COMMD10: variants seen among roughly 807,000 people sequenced by gnomAD.
COMMD10 encodes the protein COMM domain containing 10, also known as COMM domain-containing protein 10.
Under a neutral mutation model 28.9 loss-of-function variants are expected in COMMD10, and 33 were observed. That is an observed-to-expected ratio of 1.14 (90% CI 0.87 to 1.53). COMMD10 has a LOEUF of 1.53. Among genes scored for constraint, COMMD10 ranks in the 40% most tolerant of loss-of-function variants. COMMD10 has a pLI of 0.00. For synonymous variants in COMMD10, 110 were observed against 81.7 expected, an observed-to-expected ratio of 1.35 and a Z score of -1.87; for missense variants, 310 against 233.4, an observed-to-expected ratio of 1.33 and a Z score of -2.14.
At position 116,189,823 on chromosome 5, in the gene COMMD10, A is replaced by C. The variant is rs539257812; in HGVS notation, c.510+55645A>C. Among the ~76,000 whole-genome samples, 22 of 152,350 alleles carry C rather than the reference A, an allele frequency of 1.4e-4. No individual in the cohort carries two copies. The South Asian group carries it at 4.4e-3, about 30-fold the overall frequency. On this transcript the variant is annotated intron_variant, in intron 5 of 6. Coordinates refer to ENST00000274458, the MANE Select transcript of COMMD10 (RefSeq NM_016144.4). ...AAGAAATTGTTCATGTATTTTAGCA[A>C]AATGAAAACCACTTAAAGCATATTT...
intron 5 of COMMD10, among the ~76,000 whole-genome samples, chr5:116,189,558 A>G (rs918208930): frequency 7.9e-5 from 12 of 152,162 alleles, no homozygotes; most frequent in Admixed American, 7.9e-4. Context: ...CTTAACCAGA[A>G]ATCACTTCCA....
At chr5:116,106,836 C>G (rs1750856196) in intron 4 of COMMD10, among the ~76,000 whole-genome samples, 1 of 152,096 alleles carries the variant, frequency 6.6e-6, no homozygotes, top group Admixed American at 6.5e-5. Flanking sequence ...CTTTGTAGAT[C>G]TTCCTCCATC....
intron 5 of COMMD10, among the ~76,000 whole-genome samples, chr5:116,150,893 T>C (rs1752502098): frequency 6.6e-6 from 1 of 151,050 alleles, no homozygotes; most frequent in Non-Finnish European, 1.5e-5. Flanking sequence ...TCCAACACTA[T>C]GTTGAATAGG....
intron 5 of COMMD10, among the ~76,000 whole-genome samples, chr5:116,135,220 T>A (rs1266603558): frequency 1.3e-5 from 2 of 152,114 alleles, no homozygotes; most frequent in African/African-American, 4.8e-5. Flanking sequence ...GAGATTACAG[T>A]GACTGAATGA....
intron 4 of COMMD10, among the ~76,000 whole-genome samples, chr5:116,117,531 T>C (rs1043448777): frequency 2.0e-5 from 3 of 152,194 alleles, no homozygotes; most frequent in Admixed American, 1.3e-4. Context: ...TGGCACGATA[T>C]CGGCTCACTG....
chr5:116,202,905 T>G (rs182347236), intron 5 of COMMD10, among the ~76,000 whole-genome samples: 11 of 152,290 alleles, frequency 7.2e-5, no homozygotes, highest in African/African-American at 2.4e-4. Flanking sequence ...ATCCCATTTG[T>G]CAATTTTGGC....
chr5:116,171,775 C>G (rs1580517202), intron 5 of COMMD10, among the ~76,000 whole-genome samples: 2 of 152,028 alleles, frequency 1.3e-5, no homozygotes, highest in South Asian at 4.1e-4. Flanking sequence ...GGGAGTTGAA[C>G]AGTGAGAACA....
chr5:116,293,038 C>A lies in COMMD10; in HGVS notation c.*549C>A, dbSNP rs999744230. On this transcript the variant is annotated 3_prime_UTR_variant, in exon 7 of 7. Coordinates refer to ENST00000274458, the MANE Select transcript of COMMD10 (RefSeq NM_016144.4). Reference sequence around the variant, plus strand: ...TAGTATGGTATCAGTTAATTCCAGTCTGAGCTTCTCTGTCAACTTCAGTTT... The same window carrying A: ...TAGTATGGTATCAGTTAATTCCAGTATGAGCTTCTCTGTCAACTTCAGTTT... 5.0e-6 allele frequency: 2 copies of A among 397,178 alleles called. No individual in the cohort carries two copies. Among genetic ancestry groups the A allele is most frequent in the South Asian group, 1.3e-4 (1 of 7,844 alleles). The allele number at this position is 397,178 out of a possible 1,614,324, so 24.6% of individuals were successfully genotyped here. A position where few individuals can be genotyped will look rare whatever the true frequency, so the allele number is the denominator to read the frequency against.
chr5:116,263,139 T>G (rs1203649636), intron 5 of COMMD10, among the ~76,000 whole-genome samples: 1 of 151,820 alleles, frequency 6.6e-6, no homozygotes, highest in African/African-American at 2.4e-5. Context: ...ACACATATAT[T>G]TTAGAAAATG....
chr5:116,201,129 G>C (rs1160329814), intron 5 of COMMD10, among the ~76,000 whole-genome samples: 2 of 152,152 alleles, frequency 1.3e-5, no homozygotes, highest in African/African-American at 4.8e-5. Flanking sequence ...GTGCCAACTG[G>C]AGTTGGATAT....
At chr5:116,142,976 T>C (rs1752239264) in intron 5 of COMMD10, among the ~76,000 whole-genome samples, 2 of 151,566 alleles carry the variant, frequency 1.3e-5, no homozygotes, top group African/African-American at 4.8e-5. Flanking sequence ...TTCATTGTGA[T>C]CAATTTCTCA....
At chr5:116,271,162 T>G (rs1028745282) in intron 5 of COMMD10, among the ~76,000 whole-genome samples, 1 of 150,542 alleles carries the variant, frequency 6.6e-6, no homozygotes, top group Non-Finnish European at 1.5e-5. Flanking sequence ...AAAGTGTATA[T>G]TAAAGAGTAC....
chr5:116,118,363 T>C (rs1287773811), intron 4 of COMMD10, among the ~76,000 whole-genome samples: 1 of 152,254 alleles, frequency 6.6e-6, no homozygotes, highest in East Asian at 1.9e-4. Flanking sequence ...TCTGTTTGTT[T>C]ACTGCTGTTA....
intron 4 of COMMD10, among the ~76,000 whole-genome samples, chr5:116,130,234 C>T (rs991905018): frequency 4.6e-5 from 7 of 151,762 alleles, no homozygotes; most frequent in East Asian, 1.9e-4. Flanking sequence ...TTAAGTGCTC[C>T]GGGTATAGCA....
intron 4 of COMMD10, among the ~76,000 whole-genome samples, chr5:116,097,929 A>G (rs1750520151): frequency 6.6e-6 from 1 of 152,072 alleles, no homozygotes; most frequent in South Asian, 2.1e-4. Context: ...GCCTGCCCCC[A>G]TGATCCAGTC....
chr5:116,267,809 T>A (rs1487383752), intron 5 of COMMD10, among the ~76,000 whole-genome samples: 1 of 151,832 alleles, frequency 6.6e-6, no homozygotes, highest in East Asian at 1.9e-4. Context: ...TCTACAACCA[T>A]CTGATCTTTG....
chr5:116,132,492 A>C (rs1461934396), intron 4 of COMMD10, among the ~76,000 whole-genome samples: 1 of 152,156 alleles, frequency 6.6e-6, no homozygotes, highest in African/African-American at 2.4e-5. Flanking sequence ...GTTAATATCA[A>C]GGCCTGATCA....
intron 5 of COMMD10, among the ~76,000 whole-genome samples, chr5:116,146,923 C>T (rs1345907502): frequency 6.6e-6 from 1 of 151,724 alleles, no homozygotes; most frequent in Non-Finnish European, 1.5e-5. Context: ...GTCCTTAATA[C>T]TTATGATCCA....
At chr5:116,132,774 C>G (rs1409211166) in intron 4 of COMMD10, among the ~76,000 whole-genome samples, 2 of 152,054 alleles carry the variant, frequency 1.3e-5, no homozygotes, top group Admixed American at 6.6e-5. Context: ...AGAGACTATG[C>G]TTGCTGTAAT....
Sources: allele counts gnomAD v4.1 joint callset (sites outside exome capture counted in the v4.1 genomes callset), GRCh38; gene constraint gnomAD v4.1.1; transcripts MANE v1.5; gene names NCBI Gene and HGNC (gene_info 2026-07-23, HGNC 2026-07-21).